Variants in PPP3CB observed in about 807,000 individuals in gnomAD.
The protein encoded by PPP3CB is serine/threonine-protein phosphatase 2B catalytic subunit beta isoform.
PPP3CB carries 8 observed loss-of-function variants against 66.4 expected under a neutral mutation model. That is an observed-to-expected ratio of 0.12 (90% CI 0.07 to 0.22). The LOEUF (loss-of-function observed/expected upper bound fraction) is 0.22, where lower values mean the gene tolerates loss of function less well. PPP3CB is among the 10% of genes least tolerant of loss of function. The pLI, the probability that PPP3CB is intolerant of heterozygous loss-of-function variation, is 1.00. For synonymous variants in PPP3CB, 208 were observed against 221.2 expected, an observed-to-expected ratio of 0.94 and a Z score of 0.53; for missense variants, 319 against 642.5, an observed-to-expected ratio of 0.50 and a Z score of 5.44.
chr10:73,475,892 T>C (rs2056776914), intron 3 of PPP3CB, among the ~76,000 whole-genome samples: 2 of 152,224 alleles, frequency 1.3e-5, no homozygotes, highest in East Asian at 1.9e-4. Context: ...AAGGTCTCAC[T>C]GTCACCCAGG....
intron 1 of PPP3CB, among the ~76,000 whole-genome samples, chr10:73,482,609 A>T (rs574483486): frequency 2.7e-5 from 4 of 150,484 alleles, no homozygotes; most frequent in African/African-American, 9.7e-5. Context: ...TACATGATGA[A>T]TATTTCCTAT....
At chr10:73,460,575 T>C (rs2056504536) in intron 9 of PPP3CB, among the ~76,000 whole-genome samples, 1 of 152,186 alleles carries the variant, frequency 6.6e-6, no homozygotes, top group Non-Finnish European at 1.5e-5. Context: ...CAACTACTAA[T>C]GTGTTTTCAC....
chr10:73,474,777 C>G, intron 4 of PPP3CB, 142 bp downstream of exon 4: 4 of 1,279,520 alleles, frequency 3.1e-6, no homozygotes, highest in Non-Finnish European at 2.1e-6. Flanking sequence ...AGAGAGTGCT[C>G]GACAACTTTC....
intron 8 of PPP3CB, among the ~76,000 whole-genome samples, chr10:73,469,557 G>C (rs2056671721): frequency 6.6e-6 from 1 of 152,054 alleles, no homozygotes; most frequent in Non-Finnish European, 1.5e-5. Context: ...AGAAAGAATG[G>C]AATCAAAACT....
At chr10:73,468,607 A>C (rs185951137) in intron 8 of PPP3CB, among the ~76,000 whole-genome samples, 21 of 152,350 alleles carry the variant, frequency 1.4e-4, no homozygotes, top group African/African-American at 5.0e-4. Flanking sequence ...TGTCTTGTAG[A>C]TATAATTTTA....
At chr10:73,446,393 C>G in intron 11 of PPP3CB, 99 bp downstream of exon 11, 1 of 1,137,102 alleles carries the variant, frequency 8.8e-7, no homozygotes, top group East Asian at 2.4e-5. Flanking sequence ...TGCCACCATA[C>G]CCGGCCCCAT....
At chr10:73,468,341 A>G (rs1472052427) in intron 8 of PPP3CB, among the ~76,000 whole-genome samples, 4 of 152,184 alleles carry the variant, frequency 2.6e-5, no homozygotes, top group Admixed American at 6.5e-5. Flanking sequence ...CTAATGTTTC[A>G]ATATGTTGAT....
intron 10 of PPP3CB, among the ~76,000 whole-genome samples, chr10:73,453,758 T>C (rs16930627): frequency 0.07 from 10,696 of 152,248 alleles, 622 homozygotes; most frequent in East Asian, 0.3. Flanking sequence ...TGTACTCAGG[T>C]TTTAATTAAA....
In PPP3CB at chr10:73,492,891, A is replaced by G. The variant is rs1217906899; in HGVS notation, c.85+2914T>C. Among the ~76,000 whole-genome samples the G allele has an allele frequency of 4.6e-5, 7 of 152,198 alleles. No individual in the cohort carries two copies. In the East Asian group the frequency reaches 1.3e-3, roughly 29 times the overall value. On this transcript the variant is annotated intron_variant, in intron 1 of 13. Coordinates refer to ENST00000360663, the MANE Select transcript of PPP3CB (RefSeq NM_021132.4). Reference sequence around the variant, plus strand: ...TCAGGTATCTGATCTTAAACACAGAAAGACCTATACACCCTTAAAAACCTA... The same window carrying G: ...TCAGGTATCTGATCTTAAACACAGAGAGACCTATACACCCTTAAAAACCTA...
chr10:73,477,303 T>C (rs1410602635), intron 3 of PPP3CB: 2 of 501,236 alleles, frequency 4.0e-6, no homozygotes, highest in African/African-American at 4.0e-5. Context: ...ACAAAAATAA[T>C]CAGGCAAGTA....
chr10:73,441,616 A>G (rs957865476), intron 12 of PPP3CB, among the ~76,000 whole-genome samples: 3 of 152,174 alleles, frequency 2.0e-5, no homozygotes, highest in Non-Finnish European at 4.4e-5. Context: ...CATGGCCTTA[A>G]TAAGTTTGAG....
intron 1 of PPP3CB, among the ~76,000 whole-genome samples, chr10:73,493,440 C>T (rs2057111433): frequency 6.6e-5 from 10 of 152,168 alleles, no homozygotes; most frequent in Admixed American, 6.5e-4. Context: ...AAGCTGAACT[C>T]ACATCATTTA....
At chr10:73,482,211 T>C (rs1032884472) in intron 1 of PPP3CB, among the ~76,000 whole-genome samples, 1 of 152,110 alleles carries the variant, frequency 6.6e-6, no homozygotes, top group African/African-American at 2.4e-5. Flanking sequence ...AATTTTTTTT[T>C]TTTTTAGCAC....
chr10:73,486,357 G>C (rs113228884), intron 1 of PPP3CB, among the ~76,000 whole-genome samples: 1 of 139,964 alleles, frequency 7.1e-6, no homozygotes, highest in Non-Finnish European at 1.5e-5. Context: ...CCAGGCTGGC[G>C]TGCGATGGTG....
At chr10:73,438,485 A>C in intron 13 of PPP3CB, 65 bp from the exon 14 acceptor site, 1 of 1,421,722 alleles carries the variant, frequency 7.0e-7, no homozygotes, top group Non-Finnish European at 9.8e-7. Context: ...CAAAAACATA[A>C]TTAATGATTT....
At chr10:73,454,352 A>C in intron 10 of PPP3CB, 60 bp downstream of exon 10, 1 of 1,315,418 alleles carries the variant, frequency 7.6e-7, no homozygotes, top group Non-Finnish European at 1.1e-6. Flanking sequence ...TACTGAGGCT[A>C]GGCAGTAAAG....
chr10:73,462,087 T>A (rs1337173320), intron 9 of PPP3CB, among the ~76,000 whole-genome samples: 1 of 151,438 alleles, frequency 6.6e-6, no homozygotes, highest in Non-Finnish European at 1.5e-5. Context: ...GCCGAGGAGA[T>A]GCAGGTGCTA....
At position 73,472,491 on chromosome 10, in the gene PPP3CB, T is replaced by C. The variant is rs1236055790; in HGVS notation, c.524-878A>G. Among the ~76,000 whole-genome samples, 6 of 144,234 alleles carry C rather than the reference T, an allele frequency of 4.2e-5. No individual in the cohort carries two copies. In the South Asian group the frequency reaches 1.3e-3, roughly 31 times the overall value. The allele number at this position is 144,234 out of a possible 152,430, so 94.6% of individuals were successfully genotyped here. ...GCCTGGGCGACAGAGCAAGACTCTG[T>C]CTCAAAAAAAAAAAAAAAAGAAAGA... On this transcript the variant is annotated intron_variant, in intron 4 of 13. Coordinates refer to ENST00000360663, the MANE Select transcript of PPP3CB (RefSeq NM_021132.4).
At chr10:73,494,813 C>A (rs1208765139) in intron 1 of PPP3CB, among the ~76,000 whole-genome samples, 1 of 152,046 alleles carries the variant, frequency 6.6e-6, no homozygotes, top group Non-Finnish European at 1.5e-5. Flanking sequence ...AAATACAATA[C>A]AAATAAGGAA....
Sources: allele counts gnomAD v4.1 joint callset (sites outside exome capture counted in the v4.1 genomes callset), GRCh38; gene constraint gnomAD v4.1.1; transcripts MANE v1.5; gene names NCBI Gene and HGNC (gene_info 2026-07-23, HGNC 2026-07-21).